The following SLC60A1 variants were observed in gnomAD, a reference collection of about 807,000 sequenced individuals.
SLC60A1 encodes the protein major facilitator superfamily domain containing 4.
the SLC60A1 span, chr1:205,591,927 G>A: frequency 3.5e-6 from 2 of 569,716 alleles, no homozygotes; most frequent in Non-Finnish European, 6.2e-6. Context: ...TCTAGGCGGG[G>A]GTCTCCTTTC....
chr1:205,592,440 T>A, the SLC60A1 span, among the ~76,000 whole-genome samples: 1 of 152,138 alleles, frequency 6.6e-6, no homozygotes, highest in Admixed American at 6.5e-5. Flanking sequence ...CGTGCAGGTT[T>A]GTTACATATG....
At chr1:205,579,713 C>T in the SLC60A1 span, 4 of 1,608,792 alleles carry the variant, frequency 2.5e-6, no homozygotes, top group Non-Finnish European at 3.4e-6. Context: ...GGGGATGCTT[C>T]CAGCCCCATC....
the SLC60A1 span, chr1:205,601,750 A>G: frequency 6.6e-6 from 1 of 152,098 alleles, no homozygotes; most frequent in African/African-American, 2.4e-5. Flanking sequence ...CGCACAGCTA[A>G]TTTTTTGTAT....
At chr1:205,597,889 G>A in the SLC60A1 span, 11 of 1,594,494 alleles carry the variant, frequency 6.9e-6, no homozygotes, top group Admixed American at 1.7e-5. Flanking sequence ...AGCATTTGGG[G>A]AGCACTCCTC....
At chr1:205,574,624 T>C in the SLC60A1 span, among the ~76,000 whole-genome samples, 1 of 152,060 alleles carries the variant, frequency 6.6e-6, no homozygotes, top group Non-Finnish European at 1.5e-5. Flanking sequence ...TCAAGCAGGG[T>C]AGCATGGAGA....
At chr1:205,584,196 G>A in the SLC60A1 span, 1 of 1,275,910 alleles carries the variant, frequency 7.8e-7, no homozygotes, top group Non-Finnish European at 1.1e-6. Context: ...CTCCCAGAGA[G>A]AGTGAACCTA....
chr1:205,594,174 G>C, the SLC60A1 span, among the ~76,000 whole-genome samples: 1 of 152,158 alleles, frequency 6.6e-6, no homozygotes, highest in South Asian at 2.1e-4. Flanking sequence ...CCTGCAGCTT[G>C]TCCTAACAAC....
the SLC60A1 span, among the ~76,000 whole-genome samples, chr1:205,582,338 G>A: frequency 2.5e-4 from 38 of 152,342 alleles, no homozygotes; most frequent in Non-Finnish European, 4.4e-4. Context: ...TTTTCTATTG[G>A]TTTGTGTCTG....
the SLC60A1 span, among the ~76,000 whole-genome samples, chr1:205,591,879 A>C: frequency 6.6e-6 from 1 of 152,142 alleles, no homozygotes; most frequent in Non-Finnish European, 1.5e-5. Context: ...CGCAGCGTGT[A>C]CCGTAGCTGT....
chr1:205,587,833 GCCAGCC>G, the SLC60A1 span, among the ~76,000 whole-genome samples: 1 of 152,174 alleles, frequency 6.6e-6, no homozygotes, highest in Non-Finnish European at 1.5e-5. Context: ...CAGACATGGG[GCCAGCC>G]CTGGCTTCCC....
chr1:205,592,967 C>T, the SLC60A1 span, among the ~76,000 whole-genome samples: 80,046 of 151,918 alleles, frequency 0.53, 22,421 homozygotes, highest in Non-Finnish European at 0.64. Context: ...ATGTTAGAAA[C>T]GTGGAGGATT....
At chr1:205,597,533 T>G in the SLC60A1 span, 1 of 361,742 alleles carries the variant, frequency 2.8e-6, no homozygotes. Flanking sequence ...GGACTACAGG[T>G]GCACACCACC....
At chr1:205,600,463 A>C in the SLC60A1 span, 5 of 1,614,078 alleles carry the variant, frequency 3.1e-6, no homozygotes, top group Non-Finnish European at 4.2e-6. Context: ...CAGAGGTAAA[A>C]CTGGGTGAAG....
chr1:205,591,483 C>CAAA, the SLC60A1 span, among the ~76,000 whole-genome samples: 269 of 86,900 alleles, frequency 3.1e-3, 5 homozygotes, highest in African/African-American at 8.7e-3. Flanking sequence ...CCCTGTCTCT[C>CAAA]AAAAAAAAAA....
chr1:205,597,862 C>A, the SLC60A1 span: 1 of 1,613,564 alleles, frequency 6.2e-7, no homozygotes, highest in Non-Finnish European at 8.5e-7. Flanking sequence ...TATGTGGGGA[C>A]CTGTAAGGGA....
chr1:205,569,710 C>G, the SLC60A1 span, among the ~76,000 whole-genome samples: 1 of 152,064 alleles, frequency 6.6e-6, no homozygotes, highest in Non-Finnish European at 1.5e-5. Flanking sequence ...CCCCGGCTGC[C>G]GGGGGCGGGA....
chr1:205,571,497 G>A, the SLC60A1 span, among the ~76,000 whole-genome samples: 2 of 152,160 alleles, frequency 1.3e-5, no homozygotes, highest in African/African-American at 4.8e-5. Flanking sequence ...TTGGGGTGGG[G>A]TAGATCCTAT....
At chr1:205,570,093 C>A in the SLC60A1 span, among the ~76,000 whole-genome samples, 2 of 152,178 alleles carry the variant, frequency 1.3e-5, no homozygotes, top group East Asian at 3.9e-4. Context: ...CTCTGCCCCA[C>A]GACAGGGCTC....
chr1:205,579,445 C>T, the SLC60A1 span: 1 of 550,958 alleles, frequency 1.8e-6, no homozygotes, highest in Admixed American at 3.1e-5. Flanking sequence ...AATATTTTTG[C>T]ATTTAATTGC....
Sources: allele counts gnomAD v4.1 joint callset (sites outside exome capture counted in the v4.1 genomes callset), GRCh38; gene constraint gnomAD v4.1.1; transcripts MANE v1.5; gene names NCBI Gene and HGNC (gene_info 2026-07-23, HGNC 2026-07-21).